STK3: variants seen among roughly 807,000 people sequenced by gnomAD.
STK3 encodes serine/threonine kinase 3, also known as serine/threonine-protein kinase 3.
Under a neutral mutation model 58.0 loss-of-function variants are expected in STK3, and 41 were observed. The observed-to-expected ratio is 0.71, with a 90% confidence interval of 0.55 to 0.92. The LOEUF is 0.92. STK3 is among the 40% of genes least tolerant of loss of function. The pLI, the probability that STK3 is intolerant of heterozygous loss-of-function variation, is 0.00. For missense variants in STK3, 479 were observed against 602.7 expected, an observed-to-expected ratio of 0.79 and a Z score of 2.15; for synonymous variants, 170 against 191.0, an observed-to-expected ratio of 0.89 and a Z score of 0.91.
chr8:98,455,869 T>C lies in STK3; in HGVS notation c.1449A>G (p.Ala483=), dbSNP rs1428355247. ...AAAAGTTTTGCTGCCTTCTTTTCTTTGCATCCATCGCATCCAGAATGGGCT... is the reference window on the plus strand; with the variant it reads ...AAAAGTTTTGCTGCCTTCTTTTCTTCGCATCCATCGCATCCAGAATGGGCT... ...KRQPILDAMD[A]KKRRQQNF is the part of the protein sequence containing the mutation. Residue 483 remains alanine, a synonymous_variant, in exon 11 of 11, where the codon GCA becomes GCG. Transcript: ENST00000419617. 3 of 1,613,684 alleles carry C rather than the reference T, an allele frequency of 1.9e-6. No individual in the cohort carries two copies. Among genetic ancestry groups the C allele is most frequent in the Non-Finnish European group, 2.5e-6 (3 of 1,179,834 alleles).
At chr8:98,828,622 G>C (rs1184769969), upstream of STK3, among the ~76,000 whole-genome samples, 1 of 151,642 alleles carries the variant, frequency 6.6e-6, no homozygotes, top group Non-Finnish European at 1.5e-5. Flanking sequence ...GAGAGGGAGG[G>C]AGGGAGGAAG....
downstream of STK3, among the ~76,000 whole-genome samples, chr8:98,397,483 C>T (rs533192907): frequency 1.3e-5 from 2 of 152,164 alleles, no homozygotes; most frequent in East Asian, 1.9e-4. Flanking sequence ...CTGCAGTGAG[C>T]CGTGATCATG....
At chr8:98,782,710 CT>C (rs1714976576) in intron 1 of STK3, 1 of 139,394 alleles carries the variant, frequency 7.2e-6, no homozygotes, top group Non-Finnish European at 1.5e-5. Context: ...CCTTTATCTG[CT>C]AAAAAAAAAA....
At chr8:98,796,587 A>G (rs1403641446) in intron 1 of STK3, among the ~76,000 whole-genome samples, 1 of 152,204 alleles carries the variant, frequency 6.6e-6, no homozygotes, top group African/African-American at 2.4e-5. Context: ...AAGCAATTGC[A>G]ACCAAAAAAC....
the STK3 span, among the ~76,000 whole-genome samples, chr8:98,359,236 G>T: frequency 6.6e-6 from 1 of 151,550 alleles, no homozygotes; most frequent in Non-Finnish European, 1.5e-5. Context: ...TGCCGGGCGC[G>T]GTGGCTCACG....
intron 6 of STK3, among the ~76,000 whole-genome samples, chr8:98,609,186 T>C (rs1244902598): frequency 6.6e-6 from 1 of 152,206 alleles, no homozygotes; most frequent in Admixed American, 6.5e-5. Flanking sequence ...ACAAAGCATA[T>C]TAAGTTATAT....
rs1203253952 is a variant in STK3 at position 98,838,451 on chromosome 8, A to G, written c.110+45196T>C. Reference sequence around the variant, plus strand: ...GGCGAGGAGAGTTAGGGAAGTAAGAATACCCCTAGATAAATGTGTACTGGT... The same window carrying G: ...GGCGAGGAGAGTTAGGGAAGTAAGAGTACCCCTAGATAAATGTGTACTGGT... On this transcript the variant is annotated intron_variant, in intron 3 of 12. Coordinates refer to the STK3 transcript ENST00000523601. Among the ~76,000 whole-genome samples the G allele has an allele frequency of 2.6e-5, 4 of 152,170 alleles. No individual in the cohort carries two copies. In the East Asian group the frequency reaches 5.8e-4, roughly 22 times the overall value.
chr8:98,501,581 A>G (rs1020622102), intron 10 of STK3, among the ~76,000 whole-genome samples: 2 of 152,202 alleles, frequency 1.3e-5, no homozygotes, highest in African/African-American at 4.8e-5. Context: ...TAACTTTTGT[A>G]TAAGGTGTAA....
chr8:98,767,560 A>G (rs1321107958), intron 2 of STK3, among the ~76,000 whole-genome samples, 189 bp from the exon 3 acceptor site: 1 of 152,254 alleles, frequency 6.6e-6, no homozygotes, highest in African/African-American at 2.4e-5. Context: ...TGCTTCAACT[A>G]CAGACTTAAA....
intron 1 of STK3, among the ~76,000 whole-genome samples, chr8:98,820,283 CTTAAA>C (rs1271396280): frequency 1.3e-5 from 2 of 152,152 alleles, no homozygotes; most frequent in Non-Finnish European, 2.9e-5. Flanking sequence ...CCAACTATAG[CTTAAA>C]TTAAAGAACT....
rs138335125 is a variant in STK3, at chr8:98,581,316, C to T, written c.823-1527G>A. Among the ~76,000 whole-genome samples the T allele has an allele frequency of 3.7e-4, 57 of 152,290 alleles. No homozygotes were observed. The East Asian group carries it at 0.01, about 28-fold the overall frequency. ...GTCCTGACCCTTCACCAGACTGCCT[C>T]TGACCCCACTCCAACAGGGAGGTTG... is the stretch of plus-strand genomic sequence containing the variant. On this transcript the variant is annotated intron_variant, in intron 7 of 10. Coordinates refer to ENST00000419617, the MANE Select transcript of STK3 (RefSeq NM_006281.4).
chr8:98,590,382 G>A (rs911492331), intron 7 of STK3, among the ~76,000 whole-genome samples: 9 of 152,144 alleles, frequency 5.9e-5, no homozygotes, highest in Non-Finnish European at 1.2e-4. Context: ...CTTCCGAGGC[G>A]ATCGGGCAGT....
At chr8:98,825,396 G>T in intron 1 of STK3, 119 bp downstream of exon 1, 1 of 950,074 alleles carries the variant, frequency 1.1e-6, no homozygotes, top group Non-Finnish European at 1.4e-6. Context: ...CGACCTCAGC[G>T]CGCCCGGCTC....
chr8:98,681,551 T>C (rs1242041024), intron 6 of STK3, among the ~76,000 whole-genome samples: 3 of 152,160 alleles, frequency 2.0e-5, no homozygotes, highest in Non-Finnish European at 4.4e-5. Flanking sequence ...TGTATAAAAA[T>C]AATATGTACA....
intron 6 of STK3, among the ~76,000 whole-genome samples, chr8:98,693,079 G>C (rs1824530207): frequency 6.6e-6 from 1 of 152,114 alleles, no homozygotes; most frequent in South Asian, 2.1e-4. Context: ...AAGGCAGAGA[G>C]AAATTTGAGG....
At chr8:98,661,176 C>T (rs921080229) in intron 6 of STK3, among the ~76,000 whole-genome samples, 4 of 151,422 alleles carry the variant, frequency 2.6e-5, no homozygotes, top group African/African-American at 9.8e-5. Flanking sequence ...TAGGTAAATA[C>T]TGAACCTGTT....
chr8:98,825,547 CG>C lies in STK3; in HGVS notation c.-8del, dbSNP rs1587712863. On this transcript the variant is annotated 5_prime_UTR_variant, in exon 1 of 11. Coordinates refer to ENST00000419617, the MANE Select transcript of STK3 (RefSeq NM_006281.4). ...GCGCCGGCGGCTGCTCCATGGCGGC[CG>C]GGGACAGAGAGAGGGACCTGGTGGA... 6.9e-7 allele frequency: 1 copy of C among 1,456,592 alleles called. No individual in the cohort carries two copies. Among genetic ancestry groups the C allele is most frequent in the East Asian group, 3.1e-5 (1 of 32,096 alleles). 90.2% of individuals were successfully genotyped at this position (1,456,592 alleles called of 1,614,324 possible).
At chr8:98,594,647 T>C (rs1815647513) in intron 7 of STK3, among the ~76,000 whole-genome samples, 1 of 152,102 alleles carries the variant, frequency 6.6e-6, no homozygotes, top group South Asian at 2.1e-4. Context: ...AATATACATA[T>C]ATAACACATA....
At chr8:98,549,855 A>T (rs546682937) in intron 8 of STK3, among the ~76,000 whole-genome samples, 2 of 152,262 alleles carry the variant, frequency 1.3e-5, no homozygotes, top group East Asian at 1.9e-4. Flanking sequence ...CAAAAAATTT[A>T]AAAATTAGCT....
Sources: gnomAD v4.1 joint callset for allele counts (sites outside exome capture counted in the v4.1 genomes callset) on GRCh38, gnomAD v4.1.1 for gene constraint, MANE v1.5 for transcripts, NCBI Gene and HGNC (gene_info 2026-07-23, HGNC 2026-07-21) for gene names.